GPC5: variants seen among roughly 807,000 people sequenced by gnomAD.
GPC5 encodes the protein glypican 5, also known as glypican-5.
Under a neutral mutation model 53.9 loss-of-function variants are expected in GPC5, and 47 were observed. The ratio of observed to expected loss-of-function variants is 0.87; its 90% CI spans 0.69 to 1.11. The LOEUF is 1.11. Among genes scored for constraint, GPC5 ranks in the 50% most tolerant of loss-of-function variants. GPC5 has a pLI of 0.00. For missense variants in GPC5, 748 were observed against 713.1 expected, an observed-to-expected ratio of 1.05 and a Z score of -0.56; for synonymous variants, 286 against 263.3, an observed-to-expected ratio of 1.09 and a Z score of -0.84.
intron 7 of GPC5, among the ~76,000 whole-genome samples, chr13:92,364,256 A>G (rs1345618080): frequency 6.6e-6 from 1 of 151,810 alleles, no homozygotes; most frequent in Admixed American, 6.6e-5. Flanking sequence ...TTAAGTACCC[A>G]ATATTTTCTG....
chr13:92,816,271 G>T (rs1164039229), intron 7 of GPC5, among the ~76,000 whole-genome samples: 1 of 152,056 alleles, frequency 6.6e-6, no homozygotes. Context: ...ATAGGTCATG[G>T]AACTCAGCCA....
intron 2 of GPC5, among the ~76,000 whole-genome samples, chr13:91,679,168 C>CATTTATTTATTT (rs10669196): frequency 2.0e-5 from 3 of 150,790 alleles, no homozygotes; most frequent in South Asian, 2.1e-4. Flanking sequence ...AAGAAATCAA[C>CATTTATTTATTT]ATTTATTTAT....
At chr13:92,588,876 T>C (rs3902386) in intron 7 of GPC5, among the ~76,000 whole-genome samples, 50,842 of 152,018 alleles carry the variant, frequency 0.33, 8,842 homozygotes, top group African/African-American at 0.41. Flanking sequence ...AATTTTTGCT[T>C]GGATTTCTAA....
At chr13:92,224,487 C>T (rs2139092149) in intron 7 of GPC5, among the ~76,000 whole-genome samples, 1 of 152,330 alleles carries the variant, frequency 6.6e-6, no homozygotes, top group Admixed American at 6.5e-5. Context: ...AACAGGCCTG[C>T]CTGCAAGGCT....
intron 7 of GPC5, among the ~76,000 whole-genome samples, chr13:92,147,944 A>C (rs1206024510): frequency 6.6e-6 from 1 of 152,062 alleles, no homozygotes; most frequent in Non-Finnish European, 1.5e-5. Flanking sequence ...AAAGCAAGTT[A>C]AGGCATAGTT....
At chr13:92,307,996 A>C (rs952463616) in intron 7 of GPC5, among the ~76,000 whole-genome samples, 12 of 152,170 alleles carry the variant, frequency 7.9e-5, no homozygotes, top group Non-Finnish European at 1.2e-4. Context: ...CTGAGGATTT[A>C]TTTTAACGAT....
At chr13:91,494,355 A>ATT (rs1401023026) in intron 2 of GPC5, among the ~76,000 whole-genome samples, 34 of 143,238 alleles carry the variant, frequency 2.4e-4, no homozygotes, top group African/African-American at 8.2e-4. Flanking sequence ...TATTTTTATT[A>ATT]ATTATTATTA....
At position 91,797,815 on chromosome 13, in the gene GPC5, G is replaced by A. The variant is rs191079074; in HGVS notation, c.1280+41395G>A. Among the ~76,000 whole-genome samples the A allele has an allele frequency of 2.5e-3, 378 of 152,294 alleles. 3 individuals carry two copies. Among genetic ancestry groups the A allele is most frequent in the African/African-American group, 8.7e-3 (360 of 41,558 alleles). On this transcript the variant is annotated intron_variant, in intron 5 of 7. Transcript: ENST00000377067. ...TGAGATGCTTGTGATACCTTCGCTG[G>A]CCCGGTGGTCTTGTTATTTGGTTGT...
chr13:92,736,902 A>G (rs1188405457), intron 7 of GPC5, among the ~76,000 whole-genome samples: 1 of 151,960 alleles, frequency 6.6e-6, no homozygotes, highest in Non-Finnish European at 1.5e-5. Context: ...CAATAATAAA[A>G]TTCACAAAAT....
chr13:92,649,439 G>T (rs546876526), intron 7 of GPC5, among the ~76,000 whole-genome samples: 20 of 152,140 alleles, frequency 1.3e-4, no homozygotes, highest in Non-Finnish European at 1.8e-4. Context: ...GGTAATTTTT[G>T]ATTGTCTATA....
At position 92,404,748 on chromosome 13, in the gene GPC5, G is replaced by A. The variant is rs1027161282; in HGVS notation, c.1561+259759G>A. ...TGAAGCCAGTCTTTGACAGAGTCCA[G>A]TGTTTTTTCTACTAAACCAACGTTT... On this transcript the variant is annotated intron_variant, in intron 7 of 7. Transcript: ENST00000377067. Among the ~76,000 whole-genome samples the A allele has an allele frequency of 3.3e-5, 5 of 149,698 alleles. 1 individual carries two copies. The highest frequency in any genetic ancestry group is 1.5e-5 in the Non-Finnish European group (1 of 67,386).
intron 7 of GPC5, among the ~76,000 whole-genome samples, chr13:92,703,787 T>C (rs954871690): frequency 6.6e-6 from 1 of 151,842 alleles, no homozygotes; most frequent in African/African-American, 2.4e-5. Flanking sequence ...AATTAACTAG[T>C]GTTCTGTTCA....
chr13:92,306,445 G>A (rs1018175017), intron 7 of GPC5, among the ~76,000 whole-genome samples: 12 of 152,310 alleles, frequency 7.9e-5, no homozygotes, highest in Middle Eastern at 6.8e-3. Context: ...AGGAGAGCTT[G>A]AGGGATCTTT....
chr13:91,747,757 T>C (rs1017229624), intron 4 of GPC5, among the ~76,000 whole-genome samples: 1 of 152,306 alleles, frequency 6.6e-6, no homozygotes, highest in Admixed American at 6.5e-5. Flanking sequence ...TTATTCAACT[T>C]TGATTAATCA....
At chr13:92,503,561 C>CT (rs1310816928) in intron 7 of GPC5, among the ~76,000 whole-genome samples, 2 of 151,640 alleles carry the variant, frequency 1.3e-5, no homozygotes, top group Non-Finnish European at 1.5e-5. Context: ...GAAATACCCT[C>CT]TTTAAAAAAA....
In GPC5 at chr13:92,604,835, G is replaced by A. The variant is rs145942452; in HGVS notation, c.1562-261447G>A. On this transcript the variant is annotated intron_variant, in intron 7 of 7. Coordinates refer to ENST00000377067, the MANE Select transcript of GPC5 (RefSeq NM_004466.6). ...CAACATTTCACATATAGATTTTTCC[G>A]GACAATACAAATGGCTGTGTTTTCT... Among the ~76,000 whole-genome samples the A allele has an allele frequency of 1.2e-3, 186 of 152,148 alleles. 1 individual carries two copies. Among genetic ancestry groups the A allele is most frequent in the African/African-American group, 3.1e-3 (127 of 41,496 alleles).
intron 7 of GPC5, among the ~76,000 whole-genome samples, chr13:92,599,535 A>G (rs1360756585): frequency 3.9e-5 from 6 of 152,188 alleles, no homozygotes; most frequent in African/African-American, 1.4e-4. Flanking sequence ...AGAGATCTGC[A>G]GTGTGTGGAA....
chr13:91,727,282 T>A (rs558872272), intron 3 of GPC5, among the ~76,000 whole-genome samples: 1 of 152,354 alleles, frequency 6.6e-6, no homozygotes, highest in African/African-American at 2.4e-5. Flanking sequence ...CTCATCCCGA[T>A]GGATAGTAGC....
At chr13:91,836,350 A>T (rs1005202053) in intron 5 of GPC5, among the ~76,000 whole-genome samples, 5 of 152,036 alleles carry the variant, frequency 3.3e-5, no homozygotes, top group African/African-American at 1.2e-4. Flanking sequence ...CACTTTCTTC[A>T]TCTGCAGTAC....
Sources: allele counts gnomAD v4.1 joint callset (sites outside exome capture counted in the v4.1 genomes callset), GRCh38; gene constraint gnomAD v4.1.1; transcripts MANE v1.5; gene names NCBI Gene and HGNC (gene_info 2026-07-23, HGNC 2026-07-21).